Variants in AIG1 observed in about 807,000 individuals in gnomAD.
AIG1 encodes the protein androgen-induced gene 1 protein.
In AIG1, 23 loss-of-function variants were observed where a neutral mutation model predicts 31.4. The ratio of observed to expected loss-of-function variants is 0.73; its 90% CI spans 0.53 to 1.04. The LOEUF is 1.04. Among genes scored for constraint, AIG1 ranks in the 50% least tolerant of loss-of-function variants. The pLI, the probability that AIG1 is intolerant of heterozygous loss-of-function variation, is 0.00. For synonymous variants in AIG1, 100 were observed against 110.5 expected (o/e 0.90, Z 0.60); for missense variants, 274 against 295.0 (o/e 0.93, Z 0.52).
At chr6:143,238,953 T>C (rs1380175818) in intron 3 of AIG1, among the ~76,000 whole-genome samples, 1 of 152,206 alleles carries the variant, frequency 6.6e-6, no homozygotes, top group East Asian at 1.9e-4. Flanking sequence ...ATTACCAGGA[T>C]AGATTGACAC....
chr6:143,081,607 G>A (rs368869848), intron 1 of AIG1, among the ~76,000 whole-genome samples: 1 of 151,850 alleles, frequency 6.6e-6, no homozygotes, highest in African/African-American at 2.4e-5. Flanking sequence ...CACAGGCCCT[G>A]ACTATCTGCT....
At chr6:143,242,027 A>G (rs1794278487) in intron 3 of AIG1, among the ~76,000 whole-genome samples, 1 of 152,200 alleles carries the variant, frequency 6.6e-6, no homozygotes, top group Non-Finnish European at 1.5e-5. Flanking sequence ...TGGATAAGGG[A>G]TACTCAACCT....
chr6:143,316,665 A>G (rs1775768941), intron 4 of AIG1, among the ~76,000 whole-genome samples: 1 of 152,106 alleles, frequency 6.6e-6, no homozygotes. Flanking sequence ...GCTGAACTAA[A>G]TGAAATTGAA....
At position 143,274,036 on chromosome 6, in the gene AIG1, A is replaced by G. The variant is rs572112086; in HGVS notation, c.400-10074A>G. On this transcript the variant is annotated intron_variant, in intron 3 of 5. Transcript: ENST00000357847. ...CCTCTACCTCCATGAGGCTCTTGCT[A>G]CCTGTGGGATTTACCCTCTGACATG... 7.2e-5 allele frequency among the ~76,000 whole-genome samples: 11 copies of G among 152,210 alleles called. 1 individual carries two copies. The South Asian group carries it at 1.9e-3, about 26-fold the overall frequency.
intron 2 of AIG1, among the ~76,000 whole-genome samples, chr6:143,153,634 A>G (rs1785456097): frequency 6.6e-6 from 1 of 152,180 alleles, no homozygotes; most frequent in Non-Finnish European, 1.5e-5. Context: ...GGCGTGAGCC[A>G]CCGTGCCCAG....
intron 1 of AIG1, among the ~76,000 whole-genome samples, chr6:143,125,554 C>T (rs995563408): frequency 2.6e-5 from 4 of 152,140 alleles, no homozygotes; most frequent in African/African-American, 4.8e-5. Context: ...CTGCTCCACC[C>T]GGGTAGCTGA....
intron 1 of AIG1, chr6:143,094,349 T>G (rs1779564338): frequency 6.6e-6 from 1 of 152,150 alleles, no homozygotes; most frequent in Non-Finnish European, 1.5e-5. Context: ...TAGGAAGAAG[T>G]AGTAAAAGCA....
Position 143,297,753 on chromosome 6 carries a change from A to G in AIG1, c.515+13528A>G, listed in dbSNP as rs551630030. On this transcript the variant is annotated intron_variant, in intron 4 of 5. Coordinates refer to ENST00000357847, the MANE Select transcript of AIG1 (RefSeq NM_016108.4). The surrounding 1 kb of genome is among the most constrained non-coding windows in gnomAD (Gnocchi z 5.1). ...CTCCTCCAATTTTCATGTCTCAGCC[A>G]GATAGTTTTTTTAAAATGCAAATTT... 8.9e-4 allele frequency among the ~76,000 whole-genome samples: 135 copies of G among 152,310 alleles called. No homozygotes were observed. The highest frequency in any genetic ancestry group is 3.0e-3 in the African/African-American group (125 of 41,558).
At chr6:143,305,026 A>G (rs987790934) in intron 4 of AIG1, among the ~76,000 whole-genome samples, 3 of 152,156 alleles carry the variant, frequency 2.0e-5, no homozygotes, top group African/African-American at 7.2e-5. Flanking sequence ...AGGTGTTTGT[A>G]GTATTCTCTG....
intron 3 of AIG1, among the ~76,000 whole-genome samples, chr6:143,212,079 G>A (rs1055496108): frequency 1.3e-5 from 2 of 152,034 alleles, no homozygotes; most frequent in Non-Finnish European, 2.9e-5. Context: ...AGAATGTTTA[G>A]CAACATCCCT....
intron 3 of AIG1, among the ~76,000 whole-genome samples, chr6:143,222,447 GAAGTAGTGTGGCGTGATAAGAA>G (rs1792602085): frequency 6.6e-6 from 1 of 152,126 alleles, no homozygotes; most frequent in African/African-American, 2.4e-5. Context: ...TATTGCAAGG[GAAGTAGTGTGGCGTGATAAGAA>G]AAGTGCTGGC....
intron 1 of AIG1, among the ~76,000 whole-genome samples, chr6:143,083,874 C>A (rs908411132): frequency 6.6e-6 from 1 of 152,198 alleles, no homozygotes; most frequent in Admixed American, 6.5e-5. Context: ...ACGTGTGTTC[C>A]TTCTCCTATG....
intron 3 of AIG1, among the ~76,000 whole-genome samples, chr6:143,275,318 C>T (rs1796818259): frequency 1.3e-5 from 2 of 151,970 alleles, no homozygotes; most frequent in South Asian, 4.2e-4. Flanking sequence ...ATAAATCTCT[C>T]CTCTCTTCAC....
chr6:143,083,397 G>C (rs1045509556), intron 1 of AIG1, among the ~76,000 whole-genome samples: 2 of 152,176 alleles, frequency 1.3e-5, no homozygotes, highest in Admixed American at 1.3e-4. Flanking sequence ...TGAGACATTG[G>C]GTTCAAAGGA....
intron 3 of AIG1, among the ~76,000 whole-genome samples, chr6:143,174,001 A>AT (rs1444000052): frequency 6.6e-6 from 1 of 152,134 alleles, no homozygotes; most frequent in Non-Finnish European, 1.5e-5. Flanking sequence ...GTCCCGCACT[A>AT]TTATTGTGTT....
intron 1 of AIG1, among the ~76,000 whole-genome samples, chr6:143,088,007 G>T (rs1449781661): frequency 6.6e-6 from 1 of 152,124 alleles, no homozygotes; most frequent in Non-Finnish European, 1.5e-5. Flanking sequence ...AGGCACATTT[G>T]GTTTGGGCTC....
At chr6:143,219,206 G>T (rs1792268641) in intron 3 of AIG1, among the ~76,000 whole-genome samples, 2 of 152,306 alleles carry the variant, frequency 1.3e-5, no homozygotes, top group South Asian at 4.1e-4. Context: ...TAAAGCAGAT[G>T]GGAAACATTA....
chr6:143,188,474 G>A, intron 3 of AIG1: 1 of 985,404 alleles, frequency 1.0e-6, no homozygotes, highest in Non-Finnish European at 1.2e-6. Flanking sequence ...AGTGGCACTG[G>A]AAGGTCTCCT....
chr6:143,082,034 T>C (rs1472804722), intron 1 of AIG1, among the ~76,000 whole-genome samples: 4 of 152,178 alleles, frequency 2.6e-5, no homozygotes, highest in African/African-American at 9.7e-5. Context: ...CCAATAATAA[T>C]GTCCTAATGG....
Sources: gnomAD v4.1 joint callset for allele counts (sites outside exome capture counted in the v4.1 genomes callset) on GRCh38, gnomAD v4.1.1 for gene constraint, Gnocchi (gnomAD v3.1) non-coding constraint, MANE v1.5 for transcripts, NCBI Gene and HGNC (gene_info 2026-07-23, HGNC 2026-07-21) for gene names.